The following WDFY3 variants were observed in gnomAD, a reference collection of about 807,000 sequenced individuals.
WDFY3 encodes WD repeat and FYVE domain-containing protein 3.
A neutral mutation model predicts 409.6 loss-of-function variants in WDFY3; 66 were observed. The observed-to-expected ratio is 0.16, with a 90% confidence interval of 0.13 to 0.20. The LOEUF is 0.20. Among genes scored for constraint, WDFY3 ranks in the 10% least tolerant of loss-of-function variants. The probability of loss-of-function intolerance (pLI) is 1.00; values close to 1 mark genes in which losing one functional copy is unlikely to be tolerated. For missense variants in WDFY3, 3,031 were observed against 4,298.1 expected (o/e 0.71, Z 8.24); for synonymous variants, 1,521 against 1,537.1 (o/e 0.99, Z 0.25).
intron 27 of WDFY3, among the ~76,000 whole-genome samples, chr4:84,776,299 T>C (rs1346390056): frequency 6.6e-6 from 1 of 152,068 alleles, no homozygotes; most frequent in Non-Finnish European, 1.5e-5. Flanking sequence ...GCATTGCAAT[T>C]ATTTTACTTA....
intron 2 of WDFY3, among the ~76,000 whole-genome samples, chr4:84,915,221 G>C (rs994577885): frequency 2.6e-5 from 4 of 152,168 alleles, no homozygotes; most frequent in African/African-American, 9.7e-5. Flanking sequence ...TTCTGTTTCA[G>C]ATGATGAAAA....
chr4:84,684,415 G>A lies in WDFY3; in HGVS notation c.9544-290C>T, dbSNP rs985791092. Among the ~76,000 whole-genome samples the A allele has an allele frequency of 2.6e-5, 4 of 152,156 alleles. No individual in the cohort carries two copies. In the South Asian group the frequency reaches 6.2e-4, roughly 24 times the overall value. ...GGCACACTGCTGAGCAAGGTCTGGC[G>A]ACACAAGAAAGCTCCCTGTCATCTG... On this transcript the variant is annotated intron_variant, in intron 62 of 67. Coordinates refer to ENST00000295888, the MANE Select transcript of WDFY3 (RefSeq NM_014991.6).
chr4:84,744,661 G>A (rs991519079), intron 36 of WDFY3, among the ~76,000 whole-genome samples: 4 of 151,298 alleles, frequency 2.6e-5, no homozygotes, highest in Admixed American at 6.6e-5. Flanking sequence ...AGGCCATCCC[G>A]GCTAAAACGG....
chr4:84,703,053 T>G lies in WDFY3; in HGVS notation c.8443-547A>C, dbSNP rs192861751. On this transcript the variant is annotated intron_variant, in intron 55 of 67. Transcript: ENST00000295888. ...CGGAGCCTGCAGTGAGCCGAGATCG[T>G]GCCACTGCACTCCAGCCTGGGGGAT... Among the ~76,000 whole-genome samples, 49 of 150,646 alleles carry G rather than the reference T, an allele frequency of 3.3e-4. 1 individual carries two copies. The East Asian group carries it at 9.5e-3, about 29-fold the overall frequency.
intron 46 of WDFY3, among the ~76,000 whole-genome samples, chr4:84,723,372 A>G (rs1735144555): frequency 6.6e-6 from 1 of 152,244 alleles, no homozygotes; most frequent in Non-Finnish European, 1.5e-5. Context: ...AGTTTTTAAA[A>G]CAATCTGAAA....
chr4:84,775,520 A>G (rs1045565556), intron 27 of WDFY3, among the ~76,000 whole-genome samples: 4 of 151,764 alleles, frequency 2.6e-5, no homozygotes, highest in Admixed American at 6.6e-5. Context: ...GATACTTCCG[A>G]AAAAAAATTC....
intron 10 of WDFY3, among the ~76,000 whole-genome samples, chr4:84,823,920 G>A (rs1273800170): frequency 1.3e-5 from 2 of 152,082 alleles, no homozygotes; most frequent in Non-Finnish European, 2.9e-5. Context: ...TAACTACTCT[G>A]TATTTAGCTA....
chr4:84,729,330 C>T (rs1281346277), intron 44 of WDFY3, among the ~76,000 whole-genome samples: 1 of 151,806 alleles, frequency 6.6e-6, no homozygotes, highest in East Asian at 1.9e-4. Context: ...TTACATCTTA[C>T]ACTATCTATA....
chr4:84,769,667 C>T (rs559840861), intron 30 of WDFY3, among the ~76,000 whole-genome samples: 80 of 152,208 alleles, frequency 5.3e-4, no homozygotes, highest in African/African-American at 1.9e-3. Context: ...CGTGATCCAC[C>T]CGCCTTGGCC....
intron 1 of WDFY3, among the ~76,000 whole-genome samples, chr4:84,959,620 C>A (rs1774669424): frequency 6.6e-6 from 1 of 152,196 alleles, no homozygotes; most frequent in South Asian, 2.1e-4. Flanking sequence ...AGAACAGGTG[C>A]TAACAGCATT....
chr4:84,820,205 G>A lies in WDFY3; in HGVS notation c.1592-19C>T, dbSNP rs747049008. ...GAGTCCCCTAAAAAAAGGTTCAAAGGTCCAAATTACAAAAGTGATAAGCTT... is the reference window on the plus strand; with the variant it reads ...GAGTCCCCTAAAAAAAGGTTCAAAGATCCAAATTACAAAAGTGATAAGCTT... On this transcript the variant is annotated intron_variant, in intron 11 of 67. Transcript: ENST00000295888. The A allele has an allele frequency of 1.3e-6, 2 of 1,570,680 alleles. No homozygotes were observed. The highest frequency in any genetic ancestry group is 1.7e-6 in the Non-Finnish European group (2 of 1,156,170).
At chr4:84,798,520 T>A (rs867626080) in intron 17 of WDFY3, among the ~76,000 whole-genome samples, 6 of 152,194 alleles carry the variant, frequency 3.9e-5, no homozygotes, top group African/African-American at 1.4e-4. Context: ...GTTAATAATA[T>A]TTAAGAAGAA....
chr4:84,833,527 G>A (rs747079421), intron 7 of WDFY3, among the ~76,000 whole-genome samples: 1 of 151,966 alleles, frequency 6.6e-6, no homozygotes, highest in African/African-American at 2.4e-5. Context: ...AAATTAGCTA[G>A]GCATGGTGGC....
intron 48 of WDFY3, 136 bp from the exon 49 acceptor site, chr4:84,717,152 A>G (rs1734076122): frequency 2.0e-6 from 2 of 1,019,824 alleles, no homozygotes; most frequent in Admixed American, 3.8e-5. Context: ...GTTAAAAAAT[A>G]TATTTACAAG....
chr4:84,811,156 C>T (rs1189051589), intron 13 of WDFY3, among the ~76,000 whole-genome samples: 3 of 152,036 alleles, frequency 2.0e-5, no homozygotes, highest in African/African-American at 7.2e-5. Context: ...CACCACTATG[C>T]CCAGTTAATT....
At chr4:84,910,171 T>C (rs1243981973) in intron 2 of WDFY3, among the ~76,000 whole-genome samples, 1 of 152,136 alleles carries the variant, frequency 6.6e-6, no homozygotes, top group Non-Finnish European at 1.5e-5. Flanking sequence ...GACATTGTAT[T>C]CGGTATTATA....
rs1235600917 is a variant in WDFY3, at chr4:84,698,288, A to AT, written c.8597-1466dup. Among the ~76,000 whole-genome samples, 30 of 146,364 alleles carry AT rather than the reference A, an allele frequency of 2.0e-4. No individual in the cohort carries two copies. In the South Asian group the frequency reaches 4.7e-3, roughly 23 times the overall value. On this transcript the variant is annotated intron_variant, in intron 56 of 67. Transcript: ENST00000295888. The stretch of plus-strand genomic sequence containing the variant: ...CTAATTCTATATAATATATATATAT[A>AT]TATTTTTTTTTTTTGAGACAGGGTC...
intron 5 of WDFY3, 48 bp from the exon 6 acceptor site, chr4:84,841,311 A>G: frequency 6.6e-7 from 1 of 1,519,222 alleles, no homozygotes; most frequent in Non-Finnish European, 9.0e-7. Context: ...AGTCACATAT[A>G]AAGAGGTTCT....
intron 2 of WDFY3, among the ~76,000 whole-genome samples, chr4:84,912,673 C>T (rs534624327): frequency 6.6e-6 from 1 of 151,652 alleles, no homozygotes; most frequent in Non-Finnish European, 1.5e-5. Context: ...AGTTCCCAGA[C>T]ATTAAAAAAA....
Sources: gnomAD v4.1 joint callset for allele counts (sites outside exome capture counted in the v4.1 genomes callset) on GRCh38, gnomAD v4.1.1 for gene constraint, MANE v1.5 for transcripts, NCBI Gene and HGNC (gene_info 2026-07-23, HGNC 2026-07-21) for gene names.